The following TMEM117 variants were observed in gnomAD, a reference collection of about 807,000 sequenced individuals.
TMEM117 encodes transmembrane protein 117.
TMEM117 carries 27 observed loss-of-function variants against 52.4 expected under a neutral mutation model. The observed-to-expected ratio is 0.51, with a 90% CI of 0.38 to 0.71. The LOEUF (loss-of-function observed/expected upper bound fraction) is 0.71. Among genes scored for constraint, TMEM117 ranks in the 30% least tolerant of loss-of-function variants. TMEM117 has a pLI of 0.00. For missense variants in TMEM117, 556 were observed against 630.5 expected, an observed-to-expected ratio of 0.88 and a Z score of 1.26; for synonymous variants, 215 against 206.3, an observed-to-expected ratio of 1.04 and a Z score of -0.36.
chr12:44,030,994 A>G (rs1946625368), intron 3 of TMEM117, among the ~76,000 whole-genome samples: 1 of 152,222 alleles, frequency 6.6e-6, no homozygotes, highest in African/African-American at 2.4e-5. Flanking sequence ...AAAGGGTTAT[A>G]AAAGGTTTAT....
chr12:43,894,036 C>T (rs1170395176), intron 2 of TMEM117, among the ~76,000 whole-genome samples: 4 of 152,146 alleles, frequency 2.6e-5, no homozygotes, highest in East Asian at 3.9e-4. Flanking sequence ...GCTGCCATTC[C>T]TCTTAAAGGC....
At chr12:44,191,560 C>T (rs1949355024) in intron 4 of TMEM117, among the ~76,000 whole-genome samples, 1 of 152,102 alleles carries the variant, frequency 6.6e-6, no homozygotes, top group African/African-American at 2.4e-5. Flanking sequence ...ACATTTTGTT[C>T]TGTCCTACTC....
chr12:43,843,284 A>G (rs1272733010), intron 1 of TMEM117, among the ~76,000 whole-genome samples: 1 of 152,232 alleles, frequency 6.6e-6, no homozygotes, highest in Non-Finnish European at 1.5e-5. Context: ...TCTAAGATTT[A>G]ATCAGTGTTA....
Position 44,050,316 on chromosome 12 carries a change from A to G in TMEM117, c.411-93209A>G, listed in dbSNP as rs951786135. On this transcript the variant is annotated intron_variant, in intron 3 of 7. Coordinates refer to ENST00000266534, the MANE Select transcript of TMEM117 (RefSeq NM_032256.3). ...CCCAGCCTCCCAAGTAGCTGGGATT[A>G]CAAGCGTGTACCACCACGCCTGGCT... Among the ~76,000 whole-genome samples the G allele has an allele frequency of 1.2e-4, 19 of 152,276 alleles. No homozygotes were observed. In the East Asian group the frequency reaches 3.7e-3, roughly 29 times the overall value.
At chr12:44,172,517 A>T (rs576385948) in intron 4 of TMEM117, among the ~76,000 whole-genome samples, 1 of 152,138 alleles carries the variant, frequency 6.6e-6, no homozygotes, top group Non-Finnish European at 1.5e-5. Flanking sequence ...CACCAGTCAT[A>T]TTGGATTAAG....
rs1487417452 is a variant in TMEM117, at chr12:44,389,206, C to T, written c.*534C>T. On this transcript the variant is annotated 3_prime_UTR_variant, in exon 8 of 8. Coordinates refer to ENST00000266534, the MANE Select transcript of TMEM117 (RefSeq NM_032256.3). ...GGACTGCAGAGAAACATGGTGATCA[C>T]CTTTTAATTTTTATTGGCTGTCTGC... 6.5e-6 allele frequency: 1 copy of T among 154,624 alleles called. No homozygotes were observed. The highest frequency in any genetic ancestry group is 1.4e-5 in the Non-Finnish European group (1 of 69,360). 9.6% of individuals were successfully genotyped at this position (154,624 alleles called of 1,614,324 possible).
chr12:44,072,820 T>C (rs1040565417), intron 3 of TMEM117, among the ~76,000 whole-genome samples: 5 of 152,126 alleles, frequency 3.3e-5, no homozygotes, highest in Non-Finnish European at 7.4e-5. Context: ...GGCCAGGCAC[T>C]GTGGCTCACG....
Position 43,844,822 on chromosome 12 carries a change from A to C in TMEM117, c.171A>C (p.Lys57Asn). ...ACTGTTTTTCATTTGTTACAAATAAATACCCTAGAGGAGTTGGCTGGAGGA... is the reference window on the plus strand; with the variant it reads ...ACTGTTTTTCATTTGTTACAAATAACTACCCTAGAGGAGTTGGCTGGAGGA... ...VGNCFSFVTN[K>N]YPRGVGWRIL... The change falls in exon 2 of 8, where the codon AAA (lysine) becomes AAC (asparagine). Residue 57 changes from lysine to asparagine, a missense_variant. Coordinates refer to ENST00000266534, the MANE Select transcript of TMEM117 (RefSeq NM_032256.3). 2 of 1,614,216 alleles carry C rather than the reference A, an allele frequency of 1.2e-6. No individual in the cohort carries two copies. Among genetic ancestry groups the C allele is most frequent in the Non-Finnish European group, 1.7e-6 (2 of 1,180,036 alleles).
At chr12:43,856,900 A>T (rs1943409581) in intron 2 of TMEM117, among the ~76,000 whole-genome samples, 1 of 152,202 alleles carries the variant, frequency 6.6e-6, no homozygotes, top group African/African-American at 2.4e-5. Flanking sequence ...TTGATGTTTT[A>T]AAAAATTCCC....
intron 2 of TMEM117, among the ~76,000 whole-genome samples, chr12:43,859,810 A>G (rs971257855): frequency 1.8e-4 from 28 of 152,220 alleles, no homozygotes; most frequent in African/African-American, 6.5e-4. Context: ...CCCTGAGTCC[A>G]TTCCCATCAT....
rs953472779 is a variant in TMEM117 at position 44,288,535 on chromosome 12, C to G, written c.609-11045C>G. 6.6e-5 allele frequency among the ~76,000 whole-genome samples: 10 copies of G among 152,116 alleles called. No homozygotes were observed. The East Asian group carries it at 1.9e-3, about 29-fold the overall frequency. ...AGTGTTTTATATTATATAAATATGT[C>G]AAATAATGAAAACATCCAAGAGGTG... On this transcript the variant is annotated intron_variant, in intron 5 of 7. Coordinates refer to ENST00000266534, the MANE Select transcript of TMEM117 (RefSeq NM_032256.3).
intron 2 of TMEM117, among the ~76,000 whole-genome samples, chr12:43,855,327 A>G (rs1435628932): frequency 6.6e-6 from 1 of 150,788 alleles, no homozygotes; most frequent in Non-Finnish European, 1.5e-5. Flanking sequence ...CAGTGGTGTG[A>G]TCTTGGCTCA....
intron 5 of TMEM117, among the ~76,000 whole-genome samples, chr12:44,289,291 A>G (rs1950673748): frequency 6.6e-6 from 1 of 150,858 alleles, no homozygotes; most frequent in Admixed American, 6.6e-5. Context: ...TCATTCATCC[A>G]TTAATAGGTA....
chr12:43,973,420 C>T (rs1022165427), intron 3 of TMEM117, among the ~76,000 whole-genome samples: 2 of 152,182 alleles, frequency 1.3e-5, no homozygotes, highest in African/African-American at 4.8e-5. Flanking sequence ...AAGCTGAGCA[C>T]TCTTTAAGAA....
the TMEM117 span, among the ~76,000 whole-genome samples, chr12:43,806,794 T>A: frequency 2.6e-5 from 4 of 152,212 alleles, no homozygotes; most frequent in Non-Finnish European, 5.9e-5. Context: ...CTCATCAAAT[T>A]TTTCCACGAT....
chr12:43,815,882 G>A, the TMEM117 span, among the ~76,000 whole-genome samples: 1 of 152,216 alleles, frequency 6.6e-6, no homozygotes, highest in Non-Finnish European at 1.5e-5. Flanking sequence ...CAAGAGAAAG[G>A]AGGACAAAAC....
intron 3 of TMEM117, among the ~76,000 whole-genome samples, chr12:44,018,111 T>C (rs73286269): frequency 0.075 from 11,373 of 152,214 alleles, 459 homozygotes; most frequent in South Asian, 0.12. Flanking sequence ...ATGCTGTGTG[T>C]TGCAGCTGTG....
chr12:44,074,107 T>C (rs1947344673), intron 3 of TMEM117, among the ~76,000 whole-genome samples: 1 of 152,154 alleles, frequency 6.6e-6, no homozygotes. Context: ...TTCTGTTTGA[T>C]TTTACAAAGC....
chr12:44,150,967 A>G (rs1298651574), intron 4 of TMEM117, among the ~76,000 whole-genome samples: 1 of 152,168 alleles, frequency 6.6e-6, no homozygotes, highest in Non-Finnish European at 1.5e-5. Flanking sequence ...TCAAAATATC[A>G]AATAATTCCA....
Sources: gnomAD v4.1 joint callset for allele counts (sites outside exome capture counted in the v4.1 genomes callset) on GRCh38, gnomAD v4.1.1 for gene constraint, MANE v1.5 for transcripts, NCBI Gene and HGNC (gene_info 2026-07-23, HGNC 2026-07-21) for gene names.